Variants in HDAC4 observed in about 807,000 individuals in gnomAD.
HDAC4 encodes the protein histone deacetylase A.
In HDAC4, 16 loss-of-function variants were observed where a neutral mutation model predicts 135.1. The observed-to-expected ratio is 0.12, with a 90% CI of 0.08 to 0.18. The LOEUF (loss-of-function observed/expected upper bound fraction) is 0.18. Ranked by LOEUF, HDAC4 falls within the 10% of genes least tolerant of loss-of-function variation. The pLI, the probability that HDAC4 is intolerant of heterozygous loss-of-function variation, is 1.00. For missense variants in HDAC4, 1,143 were observed against 1,511.8 expected (o/e 0.76, Z 4.05); for synonymous variants, 685 against 653.4 (o/e 1.05, Z -0.74).
intron 7 of HDAC4, among the ~76,000 whole-genome samples, chr2:239,152,126 C>A (rs1432275268): frequency 6.6e-6 from 1 of 152,154 alleles, no homozygotes; most frequent in Non-Finnish European, 1.5e-5. Flanking sequence ...AAACTAAGAT[C>A]CCTCAACATC....
chr2:239,260,224 GCA>G (rs894342056), intron 2 of HDAC4, among the ~76,000 whole-genome samples: 6 of 152,130 alleles, frequency 3.9e-5, no homozygotes, highest in Non-Finnish European at 7.4e-5. Flanking sequence ...TTGCACACAC[GCA>G]CACACACACG....
Position 239,057,588 on chromosome 2 carries a change from C to G in HDAC4, c.3004-2755G>C, listed in dbSNP as rs577149383. On this transcript the variant is annotated intron_variant, in intron 24 of 26. Transcript: ENST00000543185. ...CTTAACAGCAATGGAGGCAAGCAGA[C>G]AGTGGCTTAAAATCTTAAGCCAATC... Among the ~76,000 whole-genome samples, 5 of 152,330 alleles carry G rather than the reference C, an allele frequency of 3.3e-5. No homozygotes were observed. In the South Asian group the frequency reaches 8.3e-4, roughly 25 times the overall value.
intron 24 of HDAC4, among the ~76,000 whole-genome samples, chr2:239,060,940 C>T (rs1173635115): frequency 6.6e-6 from 1 of 152,254 alleles, no homozygotes; most frequent in Non-Finnish European, 1.5e-5. Context: ...GACGGCCCCG[C>T]TGTGTGTGGC....
At position 239,052,917 on chromosome 2, in the gene HDAC4, G is replaced by A; in HGVS notation, c.*180C>T. 1 of 695,794 alleles carries A rather than the reference G, an allele frequency of 1.4e-6. No individual in the cohort carries two copies. The highest frequency in any genetic ancestry group is 2.2e-5 in the Admixed American group (1 of 45,774). The allele number at this position is 695,794 out of a possible 1,614,324, so 43.1% of individuals were successfully genotyped here. ...GGCTGCCACGCCCAGGCGTGCATGT[G>A]CGTCTCGAGACCTGTGGGCCTGGGC... On this transcript the variant is annotated 3_prime_UTR_variant, in exon 27 of 27. Transcript: ENST00000543185.
At chr2:239,295,587 C>T (rs1322974882) in intron 2 of HDAC4, among the ~76,000 whole-genome samples, 1 of 152,100 alleles carries the variant, frequency 6.6e-6, no homozygotes, top group Non-Finnish European at 1.5e-5. Flanking sequence ...AACAATGCAC[C>T]CTGGTTTGTT....
rs115533972 is a variant in HDAC4, at chr2:239,125,830, G to A, written c.1533+626C>T. Among the ~76,000 whole-genome samples, 341 of 152,346 alleles carry A rather than the reference G, an allele frequency of 2.2e-3. No individual in the cohort carries two copies. In the Middle Eastern group the frequency reaches 0.031, roughly 14 times the overall value. ...GACTTTCAAGATGTCTGTAGGTTAT[G>A]CAGACCTCTGTGGGCTGGCCGGGGC... On this transcript the variant is annotated intron_variant, in intron 12 of 26. Transcript: ENST00000543185.
intron 15 of HDAC4, among the ~76,000 whole-genome samples, chr2:239,105,740 G>A (rs2038068524): frequency 6.6e-6 from 1 of 152,132 alleles, no homozygotes; most frequent in Non-Finnish European, 1.5e-5. Flanking sequence ...TCCGCGGACT[G>A]GGGAAGTCAC....
chr2:239,212,876 T>C (rs978942469), intron 3 of HDAC4, among the ~76,000 whole-genome samples: 1 of 152,200 alleles, frequency 6.6e-6, no homozygotes, highest in Non-Finnish European at 1.5e-5. Flanking sequence ...CCCAGCTTGT[T>C]AGAGACTCAC....
chr2:239,382,178 T>G (rs1362762771), intron 1 of HDAC4, among the ~76,000 whole-genome samples: 1 of 152,244 alleles, frequency 6.6e-6, no homozygotes, highest in East Asian at 1.9e-4. Context: ...CGTAACAGAT[T>G]AAAATTAGGC....
chr2:239,275,157 GGGCC>G (rs72191275), intron 2 of HDAC4, among the ~76,000 whole-genome samples: 13,614 of 152,200 alleles, frequency 0.089, 976 homozygotes, highest in African/African-American at 0.2. Flanking sequence ...GAAAGGGTGG[GGGCC>G]GGCCGGAAGC....
At chr2:239,170,406 A>C in intron 5 of HDAC4, among the ~76,000 whole-genome samples, 1 of 152,244 alleles carries the variant, frequency 6.6e-6, no homozygotes, top group Non-Finnish European at 1.5e-5. Flanking sequence ...CAAATGAACA[A>C]AAATGTCCTA....
intron 6 of HDAC4, chr2:239,161,708 G>T: frequency 3.0e-6 from 1 of 337,216 alleles, no homozygotes; most frequent in Non-Finnish European, 5.8e-6. Context: ...TGCCATTAAA[G>T]CCAGGGCACG....
intron 11 of HDAC4, among the ~76,000 whole-genome samples, chr2:239,130,616 C>T (rs1318166994): frequency 1.4e-5 from 2 of 139,260 alleles, no homozygotes; most frequent in Non-Finnish European, 3.3e-5. Context: ...GCCACCTCCA[C>T]GAGGCATACA....
chr2:239,217,864 G>C (rs2046728555), intron 3 of HDAC4, among the ~76,000 whole-genome samples: 1 of 152,194 alleles, frequency 6.6e-6, no homozygotes, highest in Non-Finnish European at 1.5e-5. Context: ...TAAGGCGGGA[G>C]GGGGATCGTT....
rs577803588 is a variant in HDAC4 at position 239,186,877 on chromosome 2, A to C, written c.339+2956T>G. 3 of 152,378 alleles carry C rather than the reference A, an allele frequency of 2.0e-5. No homozygotes were observed. The East Asian group carries it at 5.8e-4, about 29-fold the overall frequency. 9.4% of individuals were successfully genotyped at this position (152,378 alleles called of 1,614,324 possible). On this transcript the variant is annotated intron_variant, in intron 4 of 26. Coordinates refer to ENST00000543185, the MANE Select transcript of HDAC4 (RefSeq NM_001378414.1). ...CTACCTTGAGGAGCCCCAGTCAAAC[A>C]CACGGGGCTTAGGCTTACTTCTCAG... is the stretch of plus-strand genomic sequence containing the variant.
chr2:239,364,941 G>T (rs993303315), intron 1 of HDAC4, among the ~76,000 whole-genome samples: 10 of 152,160 alleles, frequency 6.6e-5, no homozygotes, highest in African/African-American at 2.4e-4. Flanking sequence ...GCAAACACAG[G>T]GTGCAGATTT....
intron 1 of HDAC4, among the ~76,000 whole-genome samples, chr2:239,371,692 G>C (rs1559390848): frequency 6.6e-6 from 1 of 152,160 alleles, no homozygotes; most frequent in Non-Finnish European, 1.5e-5. Flanking sequence ...TGTGGCAACA[G>C]CACAGGGGAC....
chr2:239,235,907 C>T (rs2047860079), intron 3 of HDAC4, among the ~76,000 whole-genome samples: 1 of 152,110 alleles, frequency 6.6e-6, no homozygotes, highest in Non-Finnish European at 1.5e-5. Context: ...GGTGTGGTGG[C>T]ACACACCTGT....
rs536651473 is a variant in HDAC4, at chr2:239,208,050, C to T, written c.95-17973G>A. On this transcript the variant is annotated intron_variant, in intron 3 of 26. Transcript: ENST00000543185. ...AGAAAACACAAGAAAAGGCCGGGCG[C>T]GGTGGCTCACGCCTGTAATCCCAGC... Among the ~76,000 whole-genome samples, 15 of 152,054 alleles carry T rather than the reference C, an allele frequency of 9.9e-5. No homozygotes were observed. In the South Asian group the frequency reaches 1.2e-3, roughly 13 times the overall value.
Sources: allele counts gnomAD v4.1 joint callset (sites outside exome capture counted in the v4.1 genomes callset), GRCh38; gene constraint gnomAD v4.1.1; transcripts MANE v1.5; gene names NCBI Gene and HGNC (gene_info 2026-07-23, HGNC 2026-07-21).